Variants in PSMB1 observed in about 807,000 individuals in gnomAD.
PSMB1 encodes the protein proteasome 20S subunit beta 1.
PSMB1 carries 7 observed loss-of-function variants against 25.4 expected under a neutral mutation model. The ratio of observed to expected loss-of-function variants is 0.28; its 90% CI spans 0.16 to 0.52. PSMB1 has a LOEUF of 0.52. Among genes scored for constraint, PSMB1 ranks in the 20% least tolerant of loss-of-function variants. The probability of loss-of-function intolerance (pLI) is 0.97; values close to 1 mark genes in which losing one functional copy is unlikely to be tolerated. For missense variants in PSMB1, 284 were observed against 302.2 expected (o/e 0.94, Z 0.45); for synonymous variants, 119 against 115.0 (o/e 1.03, Z -0.22).
chr6:170,540,736 T>TA (rs1562351654), intron 4 of PSMB1, among the ~76,000 whole-genome samples: 2 of 151,662 alleles, frequency 1.3e-5, no homozygotes. Context: ...GGATTTTTTT[T>TA]AAAAAGACAA....
chr6:170,544,527 T>C (rs890791433), intron 3 of PSMB1, among the ~76,000 whole-genome samples: 2 of 152,204 alleles, frequency 1.3e-5, no homozygotes, highest in African/African-American at 4.8e-5. Context: ...TCACCAATTT[T>C]TGTTAACCAC....
In PSMB1 at chr6:170,535,317, G is replaced by A. The variant is rs1229169498; in HGVS notation, c.629C>T (p.Ala210Val). Reference sequence around the variant, plus strand: ...CCCAGTGTACACATCTCTCTCAGCCGCAGAAATGAAGACATCTTTCACCAG... The same window carrying A: ...CCCAGTGTACACATCTCTCTCAGCCACAGAAATGAAGACATCTTTCACCAG... ...MRLVKDVFIS[A>V]AERDVYTGDA... Residue 210 changes from alanine (A) to valine (V), a missense_variant, in exon 6 of 6, where the codon GCG becomes GTG. Physicochemically the swap from Ala to Val is moderately conservative, Grantham distance 64. Coordinates refer to ENST00000262193, the MANE Select transcript of PSMB1 (RefSeq NM_002793.4). 4 of 1,613,950 alleles carry A rather than the reference G, an allele frequency of 2.5e-6. No individual in the cohort carries two copies. The highest frequency in any genetic ancestry group is 1.1e-5 in the South Asian group (1 of 91,070).
In PSMB1 at chr6:170,548,762, T is replaced by C. The variant is rs937257632; in HGVS notation, c.221+244A>G. 3.3e-5 allele frequency among the ~76,000 whole-genome samples: 5 copies of C among 152,310 alleles called. No homozygotes were observed. The East Asian group carries it at 9.6e-4, about 29-fold the overall frequency. ...AGACACAGCAGGAAATTTTTCATGG[T>C]AAAATGCTGGGGTGAACACATTTAG... On this transcript the variant is annotated intron_variant, in intron 2 of 5. Coordinates refer to ENST00000262193, the MANE Select transcript of PSMB1 (RefSeq NM_002793.4).
At chr6:170,552,517 T>C (rs1012478719) in intron 1 of PSMB1, among the ~76,000 whole-genome samples, 9 of 108,338 alleles carry the variant, frequency 8.3e-5, no homozygotes, top group East Asian at 5.1e-4. Flanking sequence ...AAGCTAAACG[T>C]TAAAAAAAAA....
At chr6:170,538,440 C>T (rs1778719961) in intron 4 of PSMB1, among the ~76,000 whole-genome samples, 1 of 152,172 alleles carries the variant, frequency 6.6e-6, no homozygotes, top group African/African-American at 2.4e-5. Flanking sequence ...GTGGCTCACG[C>T]CTGTAATCCC....
chr6:170,537,015 G>A (rs1278461764), intron 5 of PSMB1, among the ~76,000 whole-genome samples: 1 of 152,176 alleles, frequency 6.6e-6, no homozygotes, highest in East Asian at 1.9e-4. Flanking sequence ...TCAAAACCAT[G>A]GGAGTAGGTA....
chr6:170,553,054 G>T, intron 1 of PSMB1, 76 bp downstream of exon 1: 2 of 1,301,894 alleles, frequency 1.5e-6, no homozygotes, highest in Non-Finnish European at 2.1e-6. Flanking sequence ...GCGCCATCAC[G>T]GCGGTGACTC....
intron 1 of PSMB1, 135 bp from the exon 2 acceptor site, chr6:170,549,248 A>G (rs1460777988): frequency 1.9e-6 from 1 of 516,254 alleles, no homozygotes; most frequent in Non-Finnish European, 3.4e-6. Flanking sequence ...GGAAGAGGAA[A>G]GATGAGCGGG....
intron 4 of PSMB1, among the ~76,000 whole-genome samples, chr6:170,541,745 G>A (rs1198727418): frequency 6.6e-6 from 1 of 152,216 alleles, no homozygotes; most frequent in Non-Finnish European, 1.5e-5. Flanking sequence ...ACCTGAGGTT[G>A]TCACCAAAAC....
intron 3 of PSMB1, 115 bp from the exon 4 acceptor site, chr6:170,543,845 T>A: frequency 9.3e-7 from 1 of 1,071,760 alleles, no homozygotes; most frequent in South Asian, 2.4e-5. Flanking sequence ...GGGGAAAGCA[T>A]GCCTATTTCC....
chr6:170,549,074 A>T lies in PSMB1; in HGVS notation c.153T>A (p.Val51=). 4 of 1,613,920 alleles carry T rather than the reference A, an allele frequency of 2.5e-6. No homozygotes were observed. Among genetic ancestry groups the T allele is most frequent in the Non-Finnish European group, 3.4e-6 (4 of 1,179,898 alleles). ...LAIAGEDFAI[V]ASDTRLSEGF... is the part of the protein sequence containing the mutation. ...CTTCACTCAATCGAGTATCAGAAGC[A>T]ACAATTGCAAAATCTTCTCCAGCAA... The change falls in exon 2 of 6, where the codon GTT becomes GTA. Residue 51 remains valine, a synonymous_variant. Transcript: ENST00000262193.
At chr6:170,546,244 C>T (rs1048484785) in intron 2 of PSMB1, 60 bp from the exon 3 acceptor site, 28 of 1,363,806 alleles carry the variant, frequency 2.1e-5, no homozygotes, top group South Asian at 6.0e-5. Context: ...AACATATCTT[C>T]GGCAATTTTA....
intron 5 of PSMB1, chr6:170,536,349 G>A (rs1309394067): frequency 1.8e-5 from 8 of 446,328 alleles, no homozygotes; most frequent in Non-Finnish European, 3.1e-5. Flanking sequence ...ATCTCTCAAT[G>A]TTCTCCTTTG....
chr6:170,543,698 A>G lies in PSMB1; in HGVS notation c.336T>C (p.Thr112=). ...ACAGCATTGCAGCAATTGCCCCCGTAGTCATGGCCTTATTATTGGAATGCT... is the reference window on the plus strand; with the variant it reads ...ACAGCATTGCAGCAATTGCCCCCGTGGTCATGGCCTTATTATTGGAATGCT... ...MYKHSNNKAM[T]TGAIAAMLST... The change falls in exon 4 of 6, where the codon ACT becomes ACC. Residue 112 remains threonine, a synonymous_variant. Coordinates refer to ENST00000262193, the MANE Select transcript of PSMB1 (RefSeq NM_002793.4). 6.2e-7 allele frequency: 1 copy of G among 1,611,770 alleles called. No homozygotes were observed. The highest frequency in any genetic ancestry group is 8.5e-7 in the Non-Finnish European group (1 of 1,178,602).
chr6:170,541,634 G>GC (rs1273377688), intron 4 of PSMB1, among the ~76,000 whole-genome samples: 51 of 152,272 alleles, frequency 3.3e-4, no homozygotes, highest in African/African-American at 1.1e-3. Context: ...ATAGAGGACT[G>GC]CTTTATTATT....
At chr6:170,537,048 G>A (rs117050607) in intron 5 of PSMB1, among the ~76,000 whole-genome samples, 186 bp downstream of exon 5, 191 of 152,314 alleles carry the variant, frequency 1.3e-3, no homozygotes, top group Admixed American at 3.5e-3. Flanking sequence ...AGAGTAGGCA[G>A]AACACAGAGA....
intron 5 of PSMB1, among the ~76,000 whole-genome samples, chr6:170,536,773 T>C (rs1333119263): frequency 6.6e-6 from 1 of 152,224 alleles, no homozygotes; most frequent in Non-Finnish European, 1.5e-5. Flanking sequence ...TAAGTTTTCT[T>C]GGAGTCGAAA....
chr6:170,545,615 A>C (rs1778807974), intron 3 of PSMB1, among the ~76,000 whole-genome samples: 1 of 152,210 alleles, frequency 6.6e-6, no homozygotes, highest in Non-Finnish European at 1.5e-5. Flanking sequence ...GACAGACGTT[A>C]ATGGTGCATG....
intron 4 of PSMB1, among the ~76,000 whole-genome samples, chr6:170,537,618 CTTG>C (rs946869489): frequency 1.9e-4 from 29 of 152,186 alleles, no homozygotes; most frequent in African/African-American, 6.3e-4. Flanking sequence ...AAACTGTAGG[CTTG>C]GGAGTTAAAA....
Sources: allele counts gnomAD v4.1 joint callset (sites outside exome capture counted in the v4.1 genomes callset), GRCh38; gene constraint gnomAD v4.1.1; transcripts MANE v1.5; gene names NCBI Gene and HGNC (gene_info 2026-07-23, HGNC 2026-07-21).